The following FAM184B variants were observed in gnomAD, a reference collection of about 807,000 sequenced individuals.
FAM184B encodes family with sequence similarity 184 member B, also known as protein FAM184B.
In FAM184B, 111 loss-of-function variants were observed where a neutral mutation model predicts 135.9. That is an observed-to-expected ratio of 0.82 (90% CI 0.70 to 0.96). The LOEUF is 0.96. Among genes scored for constraint, FAM184B ranks in the 40% least tolerant of loss-of-function variants. FAM184B has a pLI of 0.00. For synonymous variants in FAM184B, 552 were observed against 524.8 expected, an observed-to-expected ratio of 1.05 and a Z score of -0.71; for missense variants, 1,375 against 1,323.9, an observed-to-expected ratio of 1.04 and a Z score of -0.60.
At chr4:17,752,739 A>G (rs537802476) in intron 1 of FAM184B, among the ~76,000 whole-genome samples, 1 of 152,352 alleles carries the variant, frequency 6.6e-6, no homozygotes, top group South Asian at 2.1e-4. Flanking sequence ...GTAAATGAGA[A>G]CTGCAAATGA....
chr4:17,718,954 C>A (rs1717458575), intron 1 of FAM184B, among the ~76,000 whole-genome samples: 1 of 152,210 alleles, frequency 6.6e-6, no homozygotes, highest in Non-Finnish European at 1.5e-5. Flanking sequence ...TTAGTATGTA[C>A]AGTAGTTGTC....
chr4:17,633,681 C>A lies in FAM184B; in HGVS notation c.3089+8G>T, dbSNP rs981365069. ...AATAAGGGCCCCTGTCCCCAACATC[C>A]CCCAAACCTTGTGGCAGTTTTTGCA... On this transcript the variant is annotated splice_region_variant and intron_variant, in intron 17 of 17. Coordinates refer to ENST00000265018, the MANE Select transcript of FAM184B (RefSeq NM_015688.2). 6.6e-7 allele frequency: 1 copy of A among 1,519,214 alleles called. No homozygotes were observed. The highest frequency in any genetic ancestry group is 8.9e-7 in the Non-Finnish European group (1 of 1,129,798). The allele number at this position is 1,519,214 out of a possible 1,614,324, so 94.1% of individuals were successfully genotyped here. A position where few individuals can be genotyped will look rare whatever the true frequency, so the allele number is the denominator to read the frequency against.
intron 1 of FAM184B, among the ~76,000 whole-genome samples, chr4:17,729,795 TA>T (rs961896539): frequency 1.3e-5 from 2 of 151,910 alleles, no homozygotes; most frequent in African/African-American, 4.8e-5. Flanking sequence ...CAAAAGTAGA[TA>T]AAACCACAAA....
At position 17,652,273 on chromosome 4, in the gene FAM184B, T is replaced by C. The variant is rs538041613; in HGVS notation, c.2191+557A>G. ...CCGAATAGCTGGGACTACAGACACCTGCCACCACGCCCGGCTAATTTTTTG... is the reference window on the plus strand; with the variant it reads ...CCGAATAGCTGGGACTACAGACACCCGCCACCACGCCCGGCTAATTTTTTG... On this transcript the variant is annotated intron_variant, in intron 11 of 17. Coordinates refer to ENST00000265018, the MANE Select transcript of FAM184B (RefSeq NM_015688.2). Among the ~76,000 whole-genome samples the C allele has an allele frequency of 6.2e-3, 941 of 151,734 alleles. 6 individuals are homozygous for C. Among genetic ancestry groups the C allele is most frequent in the Non-Finnish European group, 9.7e-3 (660 of 67,936 alleles).
At chr4:17,684,938 A>G (rs1029264128) in intron 7 of FAM184B, among the ~76,000 whole-genome samples, 2 of 152,122 alleles carry the variant, frequency 1.3e-5, no homozygotes, top group African/African-American at 4.8e-5. Context: ...AAACTAACAC[A>G]CGAACAGAAA....
intron 1 of FAM184B, among the ~76,000 whole-genome samples, chr4:17,737,566 C>A (rs535381926): frequency 6.6e-6 from 1 of 152,204 alleles, no homozygotes; most frequent in East Asian, 1.9e-4. Flanking sequence ...ATTTTAAGAT[C>A]GTAAGCAAGA....
At chr4:17,777,785 T>C (rs1014728488) in intron 1 of FAM184B, among the ~76,000 whole-genome samples, 1 of 152,174 alleles carries the variant, frequency 6.6e-6, no homozygotes, top group Non-Finnish European at 1.5e-5. Flanking sequence ...GAAGCAATAT[T>C]GCAAGAGAAA....
At position 17,781,121 on chromosome 4, in the gene FAM184B, G is replaced by A. The variant is rs1039956654; in HGVS notation, c.141+38C>T. 15 of 1,469,744 alleles carry A rather than the reference G, an allele frequency of 1.0e-5. 1 individual carries two copies. The highest frequency in any genetic ancestry group is 7.2e-5 in the African/African-American group (5 of 69,734). The allele number at this position is 1,469,744 out of a possible 1,614,324, so 91.0% of individuals were successfully genotyped here. ...CACTGACTCCCGGCTCGGGCGCCCC[G>A]GGCGTGCAGCTCGCTGGCCCGCTGC... On this transcript the variant is annotated intron_variant, in intron 1 of 17. Transcript: ENST00000265018. The surrounding 1 kb of genome is among the most constrained non-coding windows in gnomAD (Gnocchi z 6.5).
chr4:17,688,622 A>G, intron 6 of FAM184B, 91 bp from the exon 7 acceptor site: 1 of 911,792 alleles, frequency 1.1e-6, no homozygotes, highest in Non-Finnish European at 1.6e-6. Flanking sequence ...CTCCTGGGTC[A>G]GTCTGTTCTG....
At chr4:17,752,656 T>G (rs1327260224) in intron 1 of FAM184B, among the ~76,000 whole-genome samples, 5 of 151,946 alleles carry the variant, frequency 3.3e-5, no homozygotes, top group Middle Eastern at 3.4e-3. Context: ...ATCACAAGAG[T>G]CTACTGCACA....
chr4:17,735,342 T>C (rs992549695), intron 1 of FAM184B, among the ~76,000 whole-genome samples: 1 of 151,884 alleles, frequency 6.6e-6, no homozygotes. Flanking sequence ...AATAATGAAA[T>C]AAAATTAAAT....
intron 7 of FAM184B, among the ~76,000 whole-genome samples, chr4:17,684,605 C>T (rs28464986): frequency 0.22 from 34,005 of 152,210 alleles, 4,661 homozygotes; most frequent in East Asian, 0.6. Flanking sequence ...AGCTCAGAGG[C>T]TGGCACATGC....
chr4:17,776,279 A>G (rs538126351), intron 1 of FAM184B, among the ~76,000 whole-genome samples: 5 of 152,370 alleles, frequency 3.3e-5, no homozygotes, highest in Admixed American at 6.5e-5. Flanking sequence ...GGAGGAAACT[A>G]TAATTAAATT....
intron 1 of FAM184B, among the ~76,000 whole-genome samples, chr4:17,728,753 TA>T (rs991410094): frequency 6.6e-6 from 1 of 152,180 alleles, no homozygotes; most frequent in East Asian, 1.9e-4. Context: ...TTAAATTTTT[TA>T]AAAAAAATTT....
At chr4:17,698,509 T>C (rs1295940116) in intron 5 of FAM184B, among the ~76,000 whole-genome samples, 1 of 152,188 alleles carries the variant, frequency 6.6e-6, no homozygotes, top group Non-Finnish European at 1.5e-5. Flanking sequence ...AAAGAAAAGT[T>C]AATTATTTGG....
chr4:17,743,484 T>C (rs903412162), intron 1 of FAM184B, among the ~76,000 whole-genome samples: 4 of 152,148 alleles, frequency 2.6e-5, no homozygotes, highest in Non-Finnish European at 5.9e-5. Context: ...GAGACATTTA[T>C]TTTCCAGGTC....
At chr4:17,774,090 G>A (rs950215826) in intron 1 of FAM184B, among the ~76,000 whole-genome samples, 1 of 152,192 alleles carries the variant, frequency 6.6e-6, no homozygotes, top group African/African-American at 2.4e-5. Context: ...TGAAAAACCA[G>A]GTAAGGCCGA....
intron 1 of FAM184B, among the ~76,000 whole-genome samples, chr4:17,735,034 A>G (rs1310922034): frequency 6.6e-6 from 1 of 152,188 alleles, no homozygotes; most frequent in Non-Finnish European, 1.5e-5. Context: ...CTTTGTAGGG[A>G]CATGGATGAA....
chr4:17,737,078 A>G (rs901180051), intron 1 of FAM184B, among the ~76,000 whole-genome samples: 9 of 151,710 alleles, frequency 5.9e-5, no homozygotes, highest in Non-Finnish European at 1.3e-4. Context: ...CCAGGGGCGG[A>G]GGTTACAGTG....
Sources: gnomAD v4.1 joint callset for allele counts (sites outside exome capture counted in the v4.1 genomes callset) on GRCh38, gnomAD v4.1.1 for gene constraint, Gnocchi (gnomAD v3.1) non-coding constraint, MANE v1.5 for transcripts, NCBI Gene and HGNC (gene_info 2026-07-23, HGNC 2026-07-21) for gene names.